ATP10D: variants seen among roughly 807,000 people sequenced by gnomAD.
ATP10D encodes the protein phospholipid-transporting ATPase VD.
Under a neutral mutation model 144.8 loss-of-function variants are expected in ATP10D, and 89 were observed. The ratio of observed to expected loss-of-function variants is 0.61; its 90% CI spans 0.52 to 0.73. The LOEUF (loss-of-function observed/expected upper bound fraction) is 0.73. Among genes scored for constraint, ATP10D ranks in the 30% least tolerant of loss-of-function variants. The pLI, the probability that ATP10D is intolerant of heterozygous loss-of-function variation, is 0.00. For missense variants in ATP10D, 1,603 were observed against 1,714.8 expected, an observed-to-expected ratio of 0.93 and a Z score of 1.15; for synonymous variants, 571 against 615.1, an observed-to-expected ratio of 0.93 and a Z score of 1.06.
At chr4:47,576,361 G>A (rs996342145) in intron 18 of ATP10D, among the ~76,000 whole-genome samples, 2 of 152,012 alleles carry the variant, frequency 1.3e-5, no homozygotes, top group Non-Finnish European at 2.9e-5. Context: ...TTAGATAGAG[G>A]GAGTTTTGTT....
chr4:47,515,692 C>A, intron 3 of ATP10D, 22 bp downstream of exon 3: 3 of 1,533,598 alleles, frequency 2.0e-6, no homozygotes, highest in South Asian at 2.3e-5. Context: ...GGGACCTTTG[C>A]TAAGGACTAT....
rs1479410649 is a variant in ATP10D at position 47,557,906 on chromosome 4, A to G, written c.2067A>G (p.Ser689=). Reference sequence around the variant, plus strand: ...AGAGCCCCCAGTGCTCCAGTAGCTCAGCTTGCTGCACAGAAACAGAGAAAC... The same window carrying G: ...AGAGCCCCCAGTGCTCCAGTAGCTCGGCTTGCTGCACAGAAACAGAGAAAC... ...VCESPQCSSS[S]ACCTETEKQH... is the part of the protein sequence containing the mutation. The change falls in exon 12 of 23, where the codon TCA becomes TCG. Residue 689 remains serine (S), a synonymous_variant. Transcript: ENST00000273859. The G allele has an allele frequency of 1.2e-6, 2 of 1,614,234 alleles. No individual in the cohort carries two copies. The highest frequency in any genetic ancestry group is 1.7e-6 in the Non-Finnish European group (2 of 1,180,044).
rs1400231972 is a variant in ATP10D at position 47,563,827 on chromosome 4, T to C, written c.2853+62T>C. 4.0e-5 allele frequency: 55 copies of C among 1,387,412 alleles called. No individual in the cohort carries two copies. The East Asian group carries it at 1.3e-3, about 33-fold the overall frequency. 85.9% of individuals were successfully genotyped at this position (1,387,412 alleles called of 1,614,324 possible). On this transcript the variant is annotated intron_variant, in intron 15 of 22. Transcript: ENST00000273859. ...TTCAAAGGCATTGGAACATTTGAGA[T>C]TTGATGTATGCAAGGATTAAAAAAA...
At chr4:47,503,903 A>C (rs572585678) in intron 1 of ATP10D, among the ~76,000 whole-genome samples, 9 of 151,478 alleles carry the variant, frequency 5.9e-5, no homozygotes, top group Non-Finnish European at 1.5e-5. Context: ...GTCTAAAAAA[A>C]AATAATAAAT....
At chr4:47,509,772 G>A (rs1716214059) in intron 1 of ATP10D, among the ~76,000 whole-genome samples, 2 of 152,140 alleles carry the variant, frequency 1.3e-5, no homozygotes, top group Admixed American at 6.6e-5. Context: ...TTTGTGTGAA[G>A]CCACACACTA....
chr4:47,551,454 G>C (rs1423921152), intron 10 of ATP10D, among the ~76,000 whole-genome samples: 1 of 152,152 alleles, frequency 6.6e-6, no homozygotes, highest in Non-Finnish European at 1.5e-5. Flanking sequence ...ATATCTACTT[G>C]AGCCCAGTGG....
At chr4:47,549,156 A>G (rs567561768) in intron 10 of ATP10D, among the ~76,000 whole-genome samples, 5 of 152,376 alleles carry the variant, frequency 3.3e-5, no homozygotes, top group African/African-American at 9.6e-5. Context: ...TTTGTAAGCC[A>G]GTATGTTTAT....
At chr4:47,498,176 G>A (rs1049582950) in intron 1 of ATP10D, among the ~76,000 whole-genome samples, 4 of 152,124 alleles carry the variant, frequency 2.6e-5, no homozygotes, top group African/African-American at 4.8e-5. Context: ...CCCATGACTC[G>A]GAAATACTCT....
chr4:47,518,217 C>G (rs756376990), intron 3 of ATP10D, among the ~76,000 whole-genome samples: 13 of 152,074 alleles, frequency 8.5e-5, no homozygotes, highest in Non-Finnish European at 1.6e-4. Context: ...CATTTCTAAG[C>G]AGATAATTTG....
At chr4:47,535,833 T>G (rs1717817450) in intron 6 of ATP10D, 69 bp from the exon 7 acceptor site, 9 of 1,515,200 alleles carry the variant, frequency 5.9e-6, no homozygotes, top group Non-Finnish European at 7.1e-6. Context: ...CAAGAGAGAT[T>G]TTTAAATATG....
intron 1 of ATP10D, among the ~76,000 whole-genome samples, chr4:47,503,439 T>A (rs971349653): frequency 5.3e-5 from 8 of 152,232 alleles, no homozygotes; most frequent in African/African-American, 1.9e-4. Flanking sequence ...AAGGGCTATG[T>A]GCTTCAGTAC....
intron 10 of ATP10D, among the ~76,000 whole-genome samples, chr4:47,547,738 T>C (rs866332900): frequency 1.2e-4 from 19 of 152,170 alleles, no homozygotes; most frequent in African/African-American, 4.3e-4. Context: ...AGACATGATA[T>C]GAGTAGACCC....
At chr4:47,585,679 A>T (rs1016980057) in intron 21 of ATP10D, among the ~76,000 whole-genome samples, 1 of 152,054 alleles carries the variant, frequency 6.6e-6, no homozygotes, top group Non-Finnish European at 1.5e-5. Flanking sequence ...CCATCCTTCT[A>T]CTTTCTATGT....
At chr4:47,509,128 C>T (rs1716177880) in intron 1 of ATP10D, among the ~76,000 whole-genome samples, 2 of 152,188 alleles carry the variant, frequency 1.3e-5, no homozygotes. Flanking sequence ...GTGCTGCCCT[C>T]CCCTGAGCCT....
At chr4:47,542,215 G>A (rs1718171696) in intron 9 of ATP10D, among the ~76,000 whole-genome samples, 1 of 151,904 alleles carries the variant, frequency 6.6e-6, no homozygotes, top group Non-Finnish European at 1.5e-5. Context: ...TACCACCTTA[G>A]CCTCACAAGT....
At chr4:47,568,731 G>A (rs1037771893) in intron 15 of ATP10D, 106 bp from the exon 16 acceptor site, 3 of 936,298 alleles carry the variant, frequency 3.2e-6, no homozygotes, top group Non-Finnish European at 4.9e-6. Context: ...TTCATTATTT[G>A]AGGTTTTCTT....
Position 47,554,730 on chromosome 4 carries a change from CAG to C in ATP10D, c.1642_1643del (p.Asp548ArgfsTer12). The C allele has an allele frequency of 6.2e-7, 1 of 1,605,204 alleles. No homozygotes were observed. On this transcript the variant is annotated frameshift_variant, in exon 11 of 23. Coordinates refer to ENST00000273859, the MANE Select transcript of ATP10D (RefSeq NM_020453.4). LOFTEE classifies it high-confidence loss of function. ...ACTGTCTTATTGGATCTTCAGGAAACAGACGTGGTACCAGACACCAGGCTTTT... is the reference window on the plus strand; with the variant it reads ...ACTGTCTTATTGGATCTTCAGGAAACACGTGGTACCAGACACCAGGCTTTT...
chr4:47,560,438 C>T (rs774858152), intron 13 of ATP10D, among the ~76,000 whole-genome samples: 4 of 151,264 alleles, frequency 2.6e-5, no homozygotes, highest in African/African-American at 7.3e-5. Flanking sequence ...TGTAGTGAGC[C>T]GAGATCAGGC....
At chr4:47,547,087 T>G in intron 10 of ATP10D, 1 of 525,400 alleles carries the variant, frequency 1.9e-6, no homozygotes, top group Non-Finnish European at 3.4e-6. Context: ...GTATACCATT[T>G]CTGAAAAAAA....
Sources: gnomAD v4.1 joint callset for allele counts (sites outside exome capture counted in the v4.1 genomes callset) on GRCh38, gnomAD v4.1.1 for gene constraint, MANE v1.5 for transcripts, NCBI Gene and HGNC (gene_info 2026-07-23, HGNC 2026-07-21) for gene names.